Variants in KIAA1671 observed in about 807,000 individuals in gnomAD.
The protein encoded by KIAA1671 is KIAA1671.
In KIAA1671, 52 loss-of-function variants were observed where a neutral mutation model predicts 131.2. The ratio of observed to expected loss-of-function variants is 0.40; its 90% confidence interval spans 0.32 to 0.50. KIAA1671 has a LOEUF of 0.50. KIAA1671 is among the 20% of genes least tolerant of loss of function. The pLI, the probability that KIAA1671 is intolerant of heterozygous loss-of-function variation, is 0.73. For synonymous variants in KIAA1671, 1,003 were observed against 961.6 expected (o/e 1.04, Z -0.80); for missense variants, 2,360 against 2,364.2 (o/e 1.00, Z 0.04).
intron 6 of KIAA1671, among the ~76,000 whole-genome samples, chr22:25,160,104 C>T (rs1319749764): frequency 6.6e-6 from 1 of 152,196 alleles, no homozygotes; most frequent in Non-Finnish European, 1.5e-5. Context: ...CAGAGGTTAG[C>T]CATCAAGCTG....
At chr22:25,181,165 G>A (rs1406128548) in intron 9 of KIAA1671, among the ~76,000 whole-genome samples, 1 of 152,136 alleles carries the variant, frequency 6.6e-6, no homozygotes, top group East Asian at 1.9e-4. Flanking sequence ...GGAAGAGTGG[G>A]ATAGGCAGCC....
chr22:25,189,127 T>C (rs1934577458), intron 11 of KIAA1671, among the ~76,000 whole-genome samples: 1 of 97,446 alleles, frequency 1.0e-5, no homozygotes, highest in African/African-American at 7.2e-5. Flanking sequence ...AGTCTTTTTC[T>C]TTTTTTTTTT....
At chr22:25,174,613 T>C in intron 8 of KIAA1671, 124 bp downstream of exon 8, 1 of 1,114,666 alleles carries the variant, frequency 9.0e-7, no homozygotes, top group Non-Finnish European at 1.2e-6. Flanking sequence ...GGGCACTGTC[T>C]TTGAAATGGG....
intron 1 of KIAA1671, among the ~76,000 whole-genome samples, chr22:25,007,226 G>T (rs1173373221): frequency 1.3e-5 from 2 of 152,144 alleles, no homozygotes; most frequent in Non-Finnish European, 2.9e-5. Flanking sequence ...GGTGGCTCAC[G>T]TCTGTAATCC....
At chr22:24,994,033 A>C (rs765990924) in intron 1 of KIAA1671, among the ~76,000 whole-genome samples, 1 of 152,054 alleles carries the variant, frequency 6.6e-6, no homozygotes, top group African/African-American at 2.4e-5. Flanking sequence ...GTGAGCCAAG[A>C]TCACGCCATT....
intron 6 of KIAA1671, among the ~76,000 whole-genome samples, chr22:25,160,714 TGGCCACACCTGGCCCAGCCA>T (rs552530402): frequency 1.6e-4 from 25 of 152,268 alleles, no homozygotes; most frequent in Non-Finnish European, 3.1e-4. Context: ...TGACTACACC[TGGCCACACCTGGCCCAGCCA>T]GGCCACACCT....
At chr22:25,030,165 G>A (rs930679443) in intron 3 of KIAA1671, among the ~76,000 whole-genome samples, 1 of 152,206 alleles carries the variant, frequency 6.6e-6, no homozygotes, top group Admixed American at 6.5e-5. Context: ...GGTTAATACC[G>A]ATGTTCTAAG....
chr22:25,115,526 G>C (rs569555923), intron 6 of KIAA1671, among the ~76,000 whole-genome samples: 4 of 152,162 alleles, frequency 2.6e-5, no homozygotes, highest in Non-Finnish European at 5.9e-5. Context: ...AGTGGACTAA[G>C]AGCAAGCATA....
chr22:25,004,685 G>A (rs1463696342), intron 1 of KIAA1671, among the ~76,000 whole-genome samples: 1 of 148,180 alleles, frequency 6.7e-6, no homozygotes, highest in Admixed American at 6.7e-5. Flanking sequence ...GGTGACTCAC[G>A]CCTGTAATCC....
At chr22:25,103,655 G>C (rs745771601) in intron 6 of KIAA1671, among the ~76,000 whole-genome samples, 1 of 152,156 alleles carries the variant, frequency 6.6e-6, no homozygotes, top group Non-Finnish European at 1.5e-5. Context: ...ACTGCACCTG[G>C]CCTTTTTTTT....
chr22:25,092,686 C>T (rs1930080150), intron 6 of KIAA1671, among the ~76,000 whole-genome samples: 1 of 152,110 alleles, frequency 6.6e-6, no homozygotes, highest in South Asian at 2.1e-4. Flanking sequence ...CAAATTCAAG[C>T]CATGGGAATG....
rs73401815 is a variant in KIAA1671, at chr22:25,121,758, G to A, written c.4531-49062G>A. ...AATAGACATAAGTGACGGCAAGCCC[G>A]TGGAAAATAATAAAATGTAGCAAAG... is the stretch of plus-strand genomic sequence containing the variant. On this transcript the variant is annotated intron_variant, in intron 6 of 12. Transcript: ENST00000358431. Among the ~76,000 whole-genome samples, 200 of 152,320 alleles carry A rather than the reference G, an allele frequency of 1.3e-3. 1 individual carries two copies. Among genetic ancestry groups the A allele is most frequent in the African/African-American group, 4.6e-3 (193 of 41,562 alleles).
intron 6 of KIAA1671, among the ~76,000 whole-genome samples, chr22:25,078,247 A>G (rs566180749): frequency 1.4e-4 from 22 of 152,168 alleles, no homozygotes; most frequent in Non-Finnish European, 2.6e-4. Flanking sequence ...TGGGCTGGCC[A>G]GGTGCAGTGG....
chr22:24,976,620 C>T (rs913747752), intron 1 of KIAA1671, among the ~76,000 whole-genome samples: 4 of 152,268 alleles, frequency 2.6e-5, no homozygotes, highest in Middle Eastern at 3.4e-3. Context: ...GGGCTGGTCG[C>T]GACATGAAGA....
At chr22:25,147,991 C>T (rs534003146) in intron 6 of KIAA1671, among the ~76,000 whole-genome samples, 4 of 119,542 alleles carry the variant, frequency 3.3e-5, no homozygotes, top group African/African-American at 1.7e-4. Flanking sequence ...TCCCTCCCTC[C>T]CTCCCTACCT....
At chr22:25,017,932 G>A (rs919241454) in intron 1 of KIAA1671, among the ~76,000 whole-genome samples, 1 of 151,562 alleles carries the variant, frequency 6.6e-6, no homozygotes, top group Non-Finnish European at 1.5e-5. Flanking sequence ...CCCCCACAGA[G>A]GGTAAATGAA....
chr22:25,075,705 G>T (rs898540463), intron 6 of KIAA1671, among the ~76,000 whole-genome samples: 53 of 150,374 alleles, frequency 3.5e-4, no homozygotes, highest in African/African-American at 1.2e-3. Flanking sequence ...CACCGTGTTA[G>T]CCAGGATGGT....
At position 25,039,053 on chromosome 22, in the gene KIAA1671, C is replaced by T; in HGVS notation, c.1923C>T (p.Ala641=). 7 of 1,551,712 alleles carry T rather than the reference C, an allele frequency of 4.5e-6. No homozygotes were observed. Among genetic ancestry groups the T allele is most frequent in the Non-Finnish European group, 6.1e-6 (7 of 1,147,022 alleles). The change falls in exon 5 of 13, where the codon GCC becomes GCT. Residue 641 remains alanine, a synonymous_variant. Coordinates refer to ENST00000358431, the MANE Select transcript of KIAA1671 (RefSeq NM_001145206.2). ...CLSTTPPGDM[A]HARVSEPRPR... ...CCACCACACCCCCTGGTGACATGGC[C>T]CATGCCCGTGTCTCAGAACCCAGGC...
intron 6 of KIAA1671, among the ~76,000 whole-genome samples, chr22:25,146,999 T>G (rs1262873488): frequency 1.3e-5 from 2 of 152,004 alleles, no homozygotes; most frequent in Non-Finnish European, 1.5e-5. Flanking sequence ...ATGTGTGTGT[T>G]TGGGAAGCTC....
Sources: gnomAD v4.1 joint callset for allele counts (sites outside exome capture counted in the v4.1 genomes callset) on GRCh38, gnomAD v4.1.1 for gene constraint, MANE v1.5 for transcripts, NCBI Gene and HGNC (gene_info 2026-07-23, HGNC 2026-07-21) for gene names.